The following DLG1 variants were observed in gnomAD, a reference collection of about 807,000 sequenced individuals.
DLG1 encodes the protein discs large MAGUK scaffold protein 1, also known as disks large homolog 1.
Under a neutral mutation model 123.4 loss-of-function variants are expected in DLG1, and 42 were observed. The observed-to-expected ratio is 0.34, with a 90% CI of 0.27 to 0.44. The LOEUF is 0.44. DLG1 is among the 20% of genes least tolerant of loss of function. The pLI, the probability that DLG1 is intolerant of heterozygous loss-of-function variation, is 1.00. For missense variants in DLG1, 942 were observed against 1,082.6 expected (o/e 0.87, Z 1.82); for synonymous variants, 317 against 356.2 (o/e 0.89, Z 1.24).
At chr3:197,062,044 T>C (rs1204010143) in intron 22 of DLG1, among the ~76,000 whole-genome samples, 1 of 152,226 alleles carries the variant, frequency 6.6e-6, no homozygotes, top group Admixed American at 6.5e-5. Context: ...CCTTGATTAG[T>C]AGACAGTCCA....
chr3:197,141,058 T>A (rs576266138), intron 7 of DLG1, among the ~76,000 whole-genome samples: 71 of 152,354 alleles, frequency 4.7e-4, no homozygotes, highest in Non-Finnish European at 9.3e-4. Context: ...AAAAAATGTT[T>A]ATTTCTTGAA....
At chr3:197,206,283 A>T (rs747749775) in intron 4 of DLG1, among the ~76,000 whole-genome samples, 2 of 152,092 alleles carry the variant, frequency 1.3e-5, no homozygotes, top group Non-Finnish European at 2.9e-5. Context: ...TTTAAAAATA[A>T]CTCTTAATTA....
At chr3:197,058,793 G>A (rs1169137834) in intron 23 of DLG1, among the ~76,000 whole-genome samples, 2 of 152,082 alleles carry the variant, frequency 1.3e-5, no homozygotes, top group Non-Finnish European at 2.9e-5. Flanking sequence ...TGTCCCTCTC[G>A]ATGATGTTGG....
intron 6 of DLG1, among the ~76,000 whole-genome samples, chr3:197,143,380 C>T (rs1362383102): frequency 6.6e-6 from 1 of 152,072 alleles, no homozygotes; most frequent in Non-Finnish European, 1.5e-5. Flanking sequence ...CTCAGCCTCC[C>T]GAGTAGCTGG....
intron 4 of DLG1, chr3:197,226,312 A>G (rs530101647): frequency 3.9e-5 from 6 of 152,284 alleles, no homozygotes; most frequent in Admixed American, 2.0e-4. Context: ...ACAGAGCTCC[A>G]CTTGCTGCAG....
intron 4 of DLG1, among the ~76,000 whole-genome samples, chr3:197,254,599 T>C (rs1054396500): frequency 1.3e-5 from 2 of 152,160 alleles, no homozygotes; most frequent in African/African-American, 4.8e-5. Flanking sequence ...GTTAGAACTA[T>C]TATAGCAGAA....
rs57124151 is a variant in DLG1 at position 197,207,053 on chromosome 3, T to C, written c.319-12464A>G. Among the ~76,000 whole-genome samples the C allele has an allele frequency of 3.4e-3, 522 of 152,346 alleles. 2 individuals carry two copies. The highest frequency in any genetic ancestry group is 5.1e-3 in the African/African-American group (212 of 41,568). On this transcript the variant is annotated intron_variant, in intron 4 of 24. Coordinates refer to ENST00000667157, the MANE Select transcript of DLG1 (RefSeq NM_001366207.1). Reference sequence around the variant, plus strand: ...CACTCATTCTCATTTCCATGTATGATGTATGGCTGCTTTCTAGCTGCCTCT... The same window carrying C: ...CACTCATTCTCATTTCCATGTATGACGTATGGCTGCTTTCTAGCTGCCTCT...
At position 197,222,324 on chromosome 3, in the gene DLG1, T is replaced by C. The variant is rs1289315345; in HGVS notation, c.319-27735A>G. Among the ~76,000 whole-genome samples the C allele has an allele frequency of 2.0e-5, 3 of 152,134 alleles. No homozygotes were observed. The East Asian group carries it at 5.8e-4, about 29-fold the overall frequency. ...TGACTAGAGCTGCAACAGACATCTTTCAATGAAGCAAAGCCCAAGAAAAAA... is the reference window on the plus strand; with the variant it reads ...TGACTAGAGCTGCAACAGACATCTTCCAATGAAGCAAAGCCCAAGAAAAAA... On this transcript the variant is annotated intron_variant, in intron 4 of 24. Coordinates refer to ENST00000667157, the MANE Select transcript of DLG1 (RefSeq NM_001366207.1).
chr3:197,179,932 A>G (rs1020093599), intron 5 of DLG1, among the ~76,000 whole-genome samples: 2 of 151,994 alleles, frequency 1.3e-5, no homozygotes, highest in African/African-American at 4.8e-5. Flanking sequence ...AGATTATTCA[A>G]CTCAGCTAAT....
chr3:197,219,505 T>G (rs1254106356), intron 4 of DLG1, among the ~76,000 whole-genome samples: 1 of 152,234 alleles, frequency 6.6e-6, no homozygotes, highest in Admixed American at 6.5e-5. Flanking sequence ...GCTTGTCAAC[T>G]TAAAGCCCTG....
At position 197,297,978 on chromosome 3, in the gene DLG1, C is replaced by G. The variant is rs1020693781; in HGVS notation, c.-32+558G>C. On this transcript the variant is annotated intron_variant, in intron 1 of 24. Coordinates refer to ENST00000667157, the MANE Select transcript of DLG1 (RefSeq NM_001366207.1). ...CTGGGCCGCCGCACCCCCGCGGCCT[C>G]GTCCTCCTTCTCGGCCGCGCCGCCT... 21 of 964,094 alleles carry G rather than the reference C, an allele frequency of 2.2e-5. 1 individual carries two copies. The highest frequency in any genetic ancestry group is 2.6e-5 in the Non-Finnish European group (21 of 810,528). 59.7% of individuals were successfully genotyped at this position (964,094 alleles called of 1,614,324 possible). A position where few individuals can be genotyped will look rare whatever the true frequency, so the allele number is the denominator to read the frequency against.
At chr3:197,063,594 A>G (rs1270925481) in intron 22 of DLG1, among the ~76,000 whole-genome samples, 1 of 152,224 alleles carries the variant, frequency 6.6e-6, no homozygotes, top group Non-Finnish European at 1.5e-5. Context: ...CATTTTGTGA[A>G]TGTAAAATTA....
intron 13 of DLG1, among the ~76,000 whole-genome samples, chr3:197,106,905 G>A (rs1766785210): frequency 6.6e-6 from 1 of 151,972 alleles, no homozygotes; most frequent in South Asian, 2.1e-4. Context: ...CATTTTTAAA[G>A]CATATAGTTT....
At chr3:197,216,900 G>C (rs1037095168) in intron 4 of DLG1, among the ~76,000 whole-genome samples, 1 of 152,138 alleles carries the variant, frequency 6.6e-6, no homozygotes, top group African/African-American at 2.4e-5. Flanking sequence ...ACTACTAGCT[G>C]ATCAAAATAT....
chr3:197,045,740 A>C (rs1722555591), intron 24 of DLG1, among the ~76,000 whole-genome samples: 1 of 152,108 alleles, frequency 6.6e-6, no homozygotes, highest in Admixed American at 6.5e-5. Flanking sequence ...ACAGAGTGGA[A>C]CCTTGTGTCT....
At chr3:197,167,974 A>G (rs763388497) in intron 5 of DLG1, among the ~76,000 whole-genome samples, 3 of 152,258 alleles carry the variant, frequency 2.0e-5, no homozygotes, top group African/African-American at 4.8e-5. Context: ...GCTGATTAAT[A>G]ATCTACTTTG....
chr3:197,285,454 T>C (rs1185790902), intron 3 of DLG1, among the ~76,000 whole-genome samples: 2 of 151,844 alleles, frequency 1.3e-5, no homozygotes, highest in Non-Finnish European at 2.9e-5. Context: ...TTTTATTTGA[T>C]GGGGAAAAGA....
chr3:197,274,493 A>AATACG (rs1307322153), intron 4 of DLG1, among the ~76,000 whole-genome samples: 2 of 150,194 alleles, frequency 1.3e-5, no homozygotes, highest in East Asian at 3.9e-4. Context: ...GAAAAGATAC[A>AATACG]ATACGACACG....
At chr3:197,233,921 T>C (rs1744606450) in intron 4 of DLG1, among the ~76,000 whole-genome samples, 1 of 152,250 alleles carries the variant, frequency 6.6e-6, no homozygotes, top group African/African-American at 2.4e-5. Context: ...CCATCCATTA[T>C]ACACTGGAAG....
Sources: gnomAD v4.1 joint callset for allele counts (sites outside exome capture counted in the v4.1 genomes callset) on GRCh38, gnomAD v4.1.1 for gene constraint, MANE v1.5 for transcripts, NCBI Gene and HGNC (gene_info 2026-07-23, HGNC 2026-07-21) for gene names.